Variants in HIPK3 observed in about 807,000 individuals in gnomAD.
HIPK3 encodes homeodomain interacting protein kinase 3, also known as homeodomain-interacting protein kinase 3.
A neutral mutation model predicts 124.2 loss-of-function variants in HIPK3; 47 were observed. The ratio of observed to expected loss-of-function variants is 0.38; its 90% CI spans 0.30 to 0.48. The LOEUF (loss-of-function observed/expected upper bound fraction) is 0.48. Ranked by LOEUF, HIPK3 falls within the 20% of genes least tolerant of loss-of-function variation. The pLI, the probability that HIPK3 is intolerant of heterozygous loss-of-function variation, is 0.98. For missense variants in HIPK3, 1,286 were observed against 1,454.3 expected (o/e 0.88, Z 1.88); for synonymous variants, 482 against 515.2 (o/e 0.94, Z 0.87).
chr11:33,295,136 T>C (rs1358908721), intron 2 of HIPK3, among the ~76,000 whole-genome samples: 5 of 151,876 alleles, frequency 3.3e-5, no homozygotes, highest in Admixed American at 6.6e-5. Flanking sequence ...GAAAGGTGGC[T>C]GAGATAATGA....
At chr11:33,332,330 AC>A (rs200741489) in intron 3 of HIPK3, among the ~76,000 whole-genome samples, 4,498 of 152,232 alleles carry the variant, frequency 0.03, 132 homozygotes, top group Non-Finnish European at 0.036. Flanking sequence ...GGAAGATCCT[AC>A]CCACCAATTG....
At chr11:33,319,042 A>G (rs1852586866) in intron 2 of HIPK3, among the ~76,000 whole-genome samples, 1 of 152,220 alleles carries the variant, frequency 6.6e-6, no homozygotes, top group South Asian at 2.1e-4. Flanking sequence ...GCTGTGTGAC[A>G]AACAATTCCA....
chr11:33,332,186 A>G (rs1008790301), intron 3 of HIPK3, among the ~76,000 whole-genome samples: 2 of 152,170 alleles, frequency 1.3e-5, no homozygotes, highest in Admixed American at 6.5e-5. Flanking sequence ...AACCTTTCCA[A>G]TGCCATTTTC....
intron 8 of HIPK3, among the ~76,000 whole-genome samples, chr11:33,343,281 G>GTGTGTGTA (rs1554968554): frequency 3.8e-4 from 57 of 150,500 alleles, no homozygotes; most frequent in African/African-American, 1.3e-3. Flanking sequence ...GTGTGTGTGT[G>GTGTGTGTA]TGTGTGTGTC....
chr11:33,270,193 G>A (rs932728901), intron 1 of HIPK3, among the ~76,000 whole-genome samples: 3 of 151,946 alleles, frequency 2.0e-5, no homozygotes, highest in Non-Finnish European at 2.9e-5. Context: ...TAGCCAGGCC[G>A]GTCTCAAACT....
At chr11:33,351,471 G>A (rs184076914) in intron 14 of HIPK3, 137 bp from the exon 15 acceptor site, 17 of 633,088 alleles carry the variant, frequency 2.7e-5, no homozygotes, top group Non-Finnish European at 4.4e-5. Flanking sequence ...AGTGCTATTG[G>A]ACAAGGAAAA....
At position 33,258,648 on chromosome 11, in the gene HIPK3, A is replaced by G. The variant is rs773273156; in HGVS notation, c.-3+759A>G. 4.0e-4 allele frequency: 396 copies of G among 984,996 alleles called. 1 individual carries two copies. Among genetic ancestry groups the G allele is most frequent in the Non-Finnish European group, 4.7e-4 (386 of 829,904 alleles). 61.0% of individuals were successfully genotyped at this position (984,996 alleles called of 1,614,324 possible). A position where few individuals can be genotyped will look rare whatever the true frequency, so the allele number is the denominator to read the frequency against. On this transcript the variant is annotated intron_variant, in intron 1 of 16. Coordinates refer to ENST00000303296, the MANE Select transcript of HIPK3 (RefSeq NM_005734.5). ...ACTGGCGGAAAGACTTTGGATGAAA[A>G]TGTCTGTTTCTCTGTCGGGAGGGAG...
intron 14 of HIPK3, among the ~76,000 whole-genome samples, 155 bp downstream of exon 14, chr11:33,349,442 T>A (rs1206333604): frequency 6.9e-6 from 1 of 144,926 alleles, no homozygotes; most frequent in Non-Finnish European, 1.5e-5. Flanking sequence ...TAAACACAGG[T>A]TTGTTTGTTT....
chr11:33,318,096 A>G (rs1356934366), intron 2 of HIPK3, among the ~76,000 whole-genome samples: 1 of 152,198 alleles, frequency 6.6e-6, no homozygotes, highest in Non-Finnish European at 1.5e-5. Flanking sequence ...AATATGTTAT[A>G]TTTTACATTT....
chr11:33,287,871 A>G (rs1022538092), intron 2 of HIPK3, among the ~76,000 whole-genome samples: 4 of 152,196 alleles, frequency 2.6e-5, no homozygotes, highest in African/African-American at 9.7e-5. Flanking sequence ...CACTTGAGAG[A>G]AATAGTTTAT....
chr11:33,333,876 C>T (rs1425136369), intron 3 of HIPK3, among the ~76,000 whole-genome samples: 1 of 152,166 alleles, frequency 6.6e-6, no homozygotes, highest in East Asian at 1.9e-4. Context: ...ATCTACATGT[C>T]TTTAGCATCT....
At chr11:33,261,974 C>CT (rs1850839141) in intron 1 of HIPK3, among the ~76,000 whole-genome samples, 2 of 152,092 alleles carry the variant, frequency 1.3e-5, no homozygotes, top group Non-Finnish European at 2.9e-5. Context: ...CAGTGATAAC[C>CT]TTTTTTTCAT....
chr11:33,321,855 A>AGG (rs989527634), intron 2 of HIPK3, among the ~76,000 whole-genome samples: 6 of 152,166 alleles, frequency 3.9e-5, no homozygotes, highest in African/African-American at 1.4e-4. Context: ...ACTCGCTATT[A>AGG]GGGGGAGAGC....
Position 33,328,544 on chromosome 11 carries a change from G to A in HIPK3, c.1132G>A (p.Glu378Lys). The change falls in exon 3 of 17, where the codon GAA (glutamate) becomes AAA (lysine). Residue 378 changes from glutamate (E) to lysine (K), a missense_variant. Physicochemically the swap from Glu to Lys is moderately conservative, Grantham distance 56 (BLOSUM62 1). Around this residue, in one of 3 missense-constraint regions of HIPK3, gnomAD observed 251 missense variants for 349.1 expected, o/e 0.72. Coordinates refer to ENST00000303296, the MANE Select transcript of HIPK3 (RefSeq NM_005734.5). ...PEIILGLPFC[E>K]AIDMWSLGCV... ...GATTATATTGGGGTTGCCATTTTGT[G>A]AAGCCATAGACATGTGGTCATTGGG... 1 of 1,613,300 alleles carries A rather than the reference G, an allele frequency of 6.2e-7. No homozygotes were observed. Among genetic ancestry groups the A allele is most frequent in the East Asian group, 2.2e-5 (1 of 44,846 alleles).
chr11:33,339,613 T>G, intron 6 of HIPK3, 79 bp downstream of exon 6: 1 of 1,063,648 alleles, frequency 9.4e-7, no homozygotes, highest in Non-Finnish European at 1.4e-6. Flanking sequence ...GAGAAATTAC[T>G]TTTCTTCATT....
rs775226126 is a variant in HIPK3 at position 33,348,669 on chromosome 11, A to T, written c.2517A>T (p.Thr839=). Residue 839 remains threonine, a synonymous_variant, in exon 13 of 17, where the codon ACA becomes ACT. Coordinates refer to ENST00000303296, the MANE Select transcript of HIPK3 (RefSeq NM_005734.5). ...GAGAGGCAAGAAATTGCTGTGAAAC[A>T]TCTATCAGACAGGACTCTGATTCAT... is the stretch of plus-strand genomic sequence containing the variant. ...SEGEARNCCE[T]SIRQDSDSSV... 1 of 1,614,078 alleles carries T rather than the reference A, an allele frequency of 6.2e-7. No individual in the cohort carries two copies.
At chr11:33,301,052 C>G (rs1851984619) in intron 2 of HIPK3, among the ~76,000 whole-genome samples, 1 of 152,186 alleles carries the variant, frequency 6.6e-6, no homozygotes, top group African/African-American at 2.4e-5. Context: ...ATATTAAAAT[C>G]ATAAATTCAT....
At chr11:33,348,287 G>C (rs1053596233) in intron 12 of HIPK3, 59 bp downstream of exon 12, 1 of 1,467,996 alleles carries the variant, frequency 6.8e-7, no homozygotes, top group African/African-American at 1.4e-5. Flanking sequence ...AGCAATTGTG[G>C]ACATTCAGAT....
At chr11:33,272,094 A>G (rs1409216682) in intron 1 of HIPK3, among the ~76,000 whole-genome samples, 1 of 152,198 alleles carries the variant, frequency 6.6e-6, no homozygotes. Context: ...GTTGTAATAG[A>G]TTTTTAAGAA....
Sources: allele counts gnomAD v4.1 joint callset (sites outside exome capture counted in the v4.1 genomes callset), GRCh38; gene constraint gnomAD v4.1.1; regional missense constraint gnomAD v4.1.1; transcripts MANE v1.5; gene names NCBI Gene and HGNC (gene_info 2026-07-23, HGNC 2026-07-21).